DZIP3: variants seen among roughly 807,000 people sequenced by gnomAD.
The protein encoded by DZIP3 is E3 ubiquitin-protein ligase DZIP3.
In DZIP3, 118 loss-of-function variants were observed where a neutral mutation model predicts 162.0. The observed-to-expected ratio is 0.73, with a 90% CI of 0.63 to 0.85. DZIP3 has a LOEUF of 0.85. Ranked by LOEUF, DZIP3 falls within the 40% of genes least tolerant of loss-of-function variation. The probability of loss-of-function intolerance (pLI) is 0.00; values close to 1 mark genes in which losing one functional copy is unlikely to be tolerated. For missense variants in DZIP3, 1,331 were observed against 1,407.0 expected, an observed-to-expected ratio of 0.95 and a Z score of 0.86; for synonymous variants, 438 against 458.6, an observed-to-expected ratio of 0.96 and a Z score of 0.57.
At position 108,674,517 on chromosome 3, in the gene DZIP3, A is replaced by G. The variant is rs1473667298; in HGVS notation, c.2693+336A>G. On this transcript the variant is annotated intron_variant, in intron 24 of 32. Transcript: ENST00000361582. ...TGAAAGATTTTTTCCCTTCCTCTGT[A>G]GTGAAGTAGATCAAAAGTCTCAGAG... is the stretch of plus-strand genomic sequence containing the variant. Among the ~76,000 whole-genome samples, 3 of 151,868 alleles carry G rather than the reference A, an allele frequency of 2.0e-5. No homozygotes were observed. In the East Asian group the frequency reaches 5.8e-4, roughly 29 times the overall value.
intron 12 of DZIP3, among the ~76,000 whole-genome samples, chr3:108,641,490 T>C (rs1381317165): frequency 2.6e-5 from 4 of 152,180 alleles, no homozygotes; most frequent in Admixed American, 6.6e-5. Flanking sequence ...AACAATAGTT[T>C]TGCAGTGAAC....
chr3:108,608,241 T>C, intron 3 of DZIP3, 83 bp downstream of exon 3: 1 of 1,126,848 alleles, frequency 8.9e-7, no homozygotes, highest in Non-Finnish European at 1.3e-6. Context: ...ATCTAGTCAG[T>C]TTAATTACGT....
intron 23 of DZIP3, 26 bp downstream of exon 23, chr3:108,672,682 A>G: frequency 6.6e-7 from 1 of 1,506,120 alleles, no homozygotes; most frequent in Non-Finnish European, 9.2e-7. Flanking sequence ...GGACAGGGGT[A>G]TGGGGTGAGG....
chr3:108,594,173 G>GCC (rs1939581721), intron 1 of DZIP3, among the ~76,000 whole-genome samples: 3 of 151,136 alleles, frequency 2.0e-5, no homozygotes, highest in African/African-American at 7.3e-5. Flanking sequence ...TTTCTTAGTT[G>GCC]GGCTTTCCAA....
At chr3:108,599,295 T>G (rs1306990348) in intron 1 of DZIP3, among the ~76,000 whole-genome samples, 1 of 152,236 alleles carries the variant, frequency 6.6e-6, no homozygotes, top group African/African-American at 2.4e-5. Flanking sequence ...CCATAAGTTC[T>G]GGAGTTTGAA....
rs200314252 is a variant in DZIP3 at position 108,644,359 on chromosome 3, G to A, written c.1337G>A (p.Gly446Asp). The A allele has an allele frequency of 1.4e-4, 227 of 1,614,060 alleles. No individual in the cohort carries two copies. The highest frequency in any genetic ancestry group is 4.7e-5 in the Non-Finnish European group (55 of 1,179,964). Residue 446 changes from glycine to aspartate, a missense_variant, in exon 14 of 33, where the codon GGT becomes GAT. By Grantham distance (94) the Gly-to-Asp change is moderately conservative. Coordinates refer to ENST00000361582, the MANE Select transcript of DZIP3 (RefSeq NM_014648.4). ...YNHLWTNHPL[G>D]GSWHLLYPPN... is the part of the protein sequence containing the mutation. Reference sequence around the variant, plus strand: ...CATCTTTGGACCAATCATCCTTTGGGTGGATCATGGCATCTGCTTTATCCT... The same window carrying A: ...CATCTTTGGACCAATCATCCTTTGGATGGATCATGGCATCTGCTTTATCCT...
intron 27 of DZIP3, among the ~76,000 whole-genome samples, chr3:108,685,050 C>A (rs1944448716): frequency 6.6e-6 from 1 of 152,066 alleles, no homozygotes; most frequent in South Asian, 2.1e-4. Context: ...TGTTTCTTTT[C>A]TTTTCTGCTC....
chr3:108,684,091 T>C, intron 26 of DZIP3, 125 bp from the exon 27 acceptor site: 6 of 1,092,258 alleles, frequency 5.5e-6, no homozygotes, highest in Non-Finnish European at 7.7e-6. Context: ...ATGTGCTTTG[T>C]ATCTTGAGTT....
intron 26 of DZIP3, among the ~76,000 whole-genome samples, chr3:108,681,466 T>G (rs1944305796): frequency 6.6e-6 from 1 of 152,152 alleles, no homozygotes; most frequent in Admixed American, 6.5e-5. Flanking sequence ...ATAGGAACAC[T>G]TTTACACTGT....
intron 2 of DZIP3, among the ~76,000 whole-genome samples, chr3:108,605,726 C>G (rs1466824237): frequency 2.0e-5 from 3 of 152,144 alleles, no homozygotes; most frequent in Non-Finnish European, 4.4e-5. Flanking sequence ...GCTGTGCAGC[C>G]CAGTTCTTAA....
chr3:108,673,636 G>A (rs550162547), intron 23 of DZIP3, among the ~76,000 whole-genome samples: 1 of 152,016 alleles, frequency 6.6e-6, no homozygotes, highest in South Asian at 2.1e-4. Context: ...CTGTCTTTCT[G>A]TATGGTCTTA....
chr3:108,601,548 C>T (rs960870881), intron 1 of DZIP3, among the ~76,000 whole-genome samples: 1 of 152,178 alleles, frequency 6.6e-6, no homozygotes, highest in African/African-American at 2.4e-5. Flanking sequence ...CACACCGATA[C>T]TCACTTTTTC....
Position 108,616,596 on chromosome 3 carries a change from T to C in DZIP3, c.314T>C (p.Leu105Ser), listed in dbSNP as rs747499362. 2 of 1,611,654 alleles carry C rather than the reference T, an allele frequency of 1.2e-6. No homozygotes were observed. The highest frequency in any genetic ancestry group is 1.1e-5 in the South Asian group (1 of 90,790). Residue 105 changes from leucine to serine, a missense_variant, in exon 5 of 33, where the codon TTA becomes TCA. By Grantham distance (145) the Leu-to-Ser change is moderately radical. Transcript: ENST00000361582. ...NGEEIVPALTLRFLITQLEAA... is the reference protein window; with the variant it reads ...NGEEIVPALTSRFLITQLEAA... ...GAGGAAATTGTTCCTGCTTTGACTT[T>C]ACGTTTCTTGATTACACAGCTAGAA... is the stretch of plus-strand genomic sequence containing the variant.
rs1400139895 is a variant in DZIP3, at chr3:108,634,859, A to C, written c.817-12A>C. ...ATGTCCTTATTGATAACTTACTTTT[A>C]TTTTTTTCCAGGGATTTTTTCAGTT... On this transcript the variant is annotated splice_polypyrimidine_tract_variant and intron_variant, in intron 9 of 32. Coordinates refer to ENST00000361582, the MANE Select transcript of DZIP3 (RefSeq NM_014648.4). 1 of 1,574,552 alleles carries C rather than the reference A, an allele frequency of 6.4e-7. No homozygotes were observed. Among genetic ancestry groups the C allele is most frequent in the East Asian group, 2.3e-5 (1 of 43,934 alleles).
rs900036965 is a variant in DZIP3 at position 108,604,871 on chromosome 3, A to C, written c.-72-464A>C. Among the ~76,000 whole-genome samples, 3 of 152,350 alleles carry C rather than the reference A, an allele frequency of 2.0e-5. No homozygotes were observed. The East Asian group carries it at 5.8e-4, about 29-fold the overall frequency. On this transcript the variant is annotated intron_variant, in intron 1 of 32. Coordinates refer to ENST00000361582, the MANE Select transcript of DZIP3 (RefSeq NM_014648.4). ...TGATCTATTAATTTTACTTTTGAGA[A>C]TGTATTGTAAAGAAATAATCACAAA...
At chr3:108,605,977 T>C (rs896524533) in intron 2 of DZIP3, among the ~76,000 whole-genome samples, 2 of 152,180 alleles carry the variant, frequency 1.3e-5, no homozygotes, top group Non-Finnish European at 2.9e-5. Context: ...TCACTAGGGA[T>C]TACATCCTCA....
rs59524030 is a variant in DZIP3 at position 108,592,705 on chromosome 3, CAAAAAAA to C, written c.-73+2880_-73+2886del. On this transcript the variant is annotated intron_variant, in intron 1 of 32. Transcript: ENST00000361582. ...GGGCAACAGGAGGGAGACCCTGTCT[CAAAAAAA>C]AAAAAAAAAAAAAGTATTCAGGTTA... 1.3e-4 allele frequency among the ~76,000 whole-genome samples: 8 copies of C among 63,888 alleles called. No individual in the cohort carries two copies. In the South Asian group the frequency reaches 4.2e-3, roughly 34 times the overall value. 41.9% of individuals were successfully genotyped at this position (63,888 alleles called of 152,430 possible).
intron 12 of DZIP3, among the ~76,000 whole-genome samples, chr3:108,642,125 C>CT (rs1942425131): frequency 6.6e-6 from 1 of 151,976 alleles, no homozygotes; most frequent in African/African-American, 2.4e-5. Flanking sequence ...TGCTTGCTTG[C>CT]TTTTTTTGTC....
chr3:108,605,999 A>G (rs1940344761), intron 2 of DZIP3, among the ~76,000 whole-genome samples: 1 of 152,202 alleles, frequency 6.6e-6, no homozygotes, highest in Non-Finnish European at 1.5e-5. Context: ...TGAGGAGCTA[A>G]GAATTGAAAA....
Sources: gnomAD v4.1 joint callset for allele counts (sites outside exome capture counted in the v4.1 genomes callset) on GRCh38, gnomAD v4.1.1 for gene constraint, MANE v1.5 for transcripts, NCBI Gene and HGNC (gene_info 2026-07-23, HGNC 2026-07-21) for gene names.